NME9: variants seen among roughly 807,000 people sequenced by gnomAD.
NME9 encodes thioredoxin domain-containing protein 6.
Under a neutral mutation model 44.4 loss-of-function variants are expected in NME9, and 48 were observed. The ratio of observed to expected loss-of-function variants is 1.08; its 90% confidence interval spans 0.86 to 1.37. The LOEUF is 1.37. Among genes scored for constraint, NME9 ranks in the 40% most tolerant of loss-of-function variants. NME9 has a pLI of 0.00. For missense variants in NME9, 325 were observed against 405.2 expected (o/e 0.80, Z 1.70); for synonymous variants, 139 against 147.1 (o/e 0.94, Z 0.40).
At chr3:138,307,906 C>G (rs143325780) in intron 6 of NME9, among the ~76,000 whole-genome samples, 3 of 152,322 alleles carry the variant, frequency 2.0e-5, no homozygotes, top group East Asian at 1.9e-4. Flanking sequence ...TGGTAACTAC[C>G]TGTTGGTGCC....
At position 138,304,320 on chromosome 3, in the gene NME9, C is replaced by T. The variant is rs75818949; in HGVS notation, c.791+553G>A. On this transcript the variant is annotated intron_variant, in intron 9 of 10. Coordinates refer to ENST00000333911, the MANE Select transcript of NME9 (RefSeq NM_001349018.2). ...TTTCTTTCCTGTTGTCTGGGCCTGT[C>T]AGCTTCAAAGGCCAAGGTAAAGTGG... Among the ~76,000 whole-genome samples the T allele has an allele frequency of 4.0e-3, 612 of 152,344 alleles. 42 individuals are homozygous for T. The East Asian group carries it at 0.096, about 24-fold the overall frequency.
chr3:138,298,570 CCT>C (rs1354624583), downstream of NME9, among the ~76,000 whole-genome samples: 1 of 152,064 alleles, frequency 6.6e-6, no homozygotes, highest in African/African-American at 2.4e-5. Flanking sequence ...TCTGGGGACC[CCT>C]CTCTTTTTGG....
chr3:138,318,216 C>T lies in NME9; in HGVS notation c.199G>A (p.Glu67Lys). Residue 67 changes from glutamate to lysine, a missense_variant, in exon 4 of 11, where the codon GAG (glutamate) becomes AAG (lysine). Coordinates refer to ENST00000333911, the MANE Select transcript of NME9 (RefSeq NM_001349018.2). ...GLDLLHFALAEADRLDVLEKY... is the reference protein window; with the variant it reads ...GLDLLHFALAKADRLDVLEKY... ...TCGAGGACATCAAGACGATCTGCCT[C>T]TGCCTAAAGAAAGCCACTATCAGCA... is the stretch of plus-strand genomic sequence containing the variant. The T allele has an allele frequency of 4.3e-6, 7 of 1,610,966 alleles. No individual in the cohort carries two copies. The highest frequency in any genetic ancestry group is 5.9e-6 in the Non-Finnish European group (7 of 1,177,118).
At chr3:138,284,310 T>C (rs2050201766) in intron 8 of NME9, 3 of 705,966 alleles carry the variant, frequency 4.2e-6, no homozygotes, top group East Asian at 5.0e-5. Context: ...AATCAGGGCA[T>C]TGAGAGTGGA....
intron 8 of NME9, among the ~76,000 whole-genome samples, chr3:138,275,332 C>T (rs1165281425): frequency 3.9e-5 from 6 of 151,992 alleles, no homozygotes; most frequent in South Asian, 2.1e-4. Flanking sequence ...CCGAGGTGGG[C>T]GGATCACGAG....
chr3:138,297,453 C>A (rs1278776197), downstream of NME9: 2 of 152,200 alleles, frequency 1.3e-5, no homozygotes, highest in Non-Finnish European at 2.9e-5. Context: ...TGAGTGTGTG[C>A]CACTGATGGA....
chr3:138,313,220 G>C (rs970731769), intron 6 of NME9, among the ~76,000 whole-genome samples: 1 of 152,134 alleles, frequency 6.6e-6, no homozygotes, highest in Non-Finnish European at 1.5e-5. Flanking sequence ...GCGAAATCCA[G>C]TCTCTACTAA....
chr3:138,315,705 G>T, intron 4 of NME9, 62 bp from the exon 5 acceptor site: 1 of 1,304,786 alleles, frequency 7.7e-7, no homozygotes. Context: ...TGTAAGAGAT[G>T]GCAAGAGTGT....
At chr3:138,286,595 C>G (rs969144688) in intron 8 of NME9, among the ~76,000 whole-genome samples, 8 of 152,142 alleles carry the variant, frequency 5.3e-5, no homozygotes, top group African/African-American at 1.7e-4. Context: ...ACAATAGGAC[C>G]TCGTAGGGAG....
At position 138,314,315 on chromosome 3, in the gene NME9, A is replaced by G. The variant is rs1220189019; in HGVS notation, c.460+17T>C. 5 of 1,513,754 alleles carry G rather than the reference A, an allele frequency of 3.3e-6. No individual in the cohort carries two copies. Among genetic ancestry groups the G allele is most frequent in the Admixed American group, 3.9e-5 (2 of 50,870 alleles). The allele number at this position is 1,513,754 out of a possible 1,614,324, so 93.8% of individuals were successfully genotyped here. On this transcript the variant is annotated intron_variant, in intron 6 of 10. Coordinates refer to ENST00000333911, the MANE Select transcript of NME9 (RefSeq NM_001349018.2). Reference sequence around the variant, plus strand: ...TCTGCTTTGCTTTTTTCCCTTGCTCATTGGTTCTGCACTCACCCATGTCCT... The same window carrying G: ...TCTGCTTTGCTTTTTTCCCTTGCTCGTTGGTTCTGCACTCACCCATGTCCT...
At chr3:138,274,551 T>C in intron 8 of NME9, 1 of 1,593,748 alleles carries the variant, frequency 6.3e-7, no homozygotes, top group Non-Finnish European at 8.6e-7. Context: ...GCAGGTACGT[T>C]GTTCCTTTCT....
At chr3:138,322,259 T>C (rs1560130917) in intron 2 of NME9, among the ~76,000 whole-genome samples, 1 of 151,916 alleles carries the variant, frequency 6.6e-6, no homozygotes, top group Non-Finnish European at 1.5e-5. Flanking sequence ...GCTGTATTTG[T>C]ATTGATAGTG....
intron 5 of NME9, 59 bp downstream of exon 5, chr3:138,315,468 G>T: frequency 8.6e-7 from 1 of 1,166,948 alleles, no homozygotes; most frequent in Non-Finnish European, 1.2e-6. Context: ...GGGGACTGCT[G>T]ATCTCGCCCT....
At chr3:138,285,149 A>T (rs2050284465) in intron 8 of NME9, among the ~76,000 whole-genome samples, 1 of 152,212 alleles carries the variant, frequency 6.6e-6, no homozygotes. Flanking sequence ...ACATGGGCAC[A>T]GCTCCTCCTA....
intron 8 of NME9, among the ~76,000 whole-genome samples, chr3:138,269,616 AC>A (rs1383799071): frequency 6.6e-6 from 1 of 152,122 alleles, no homozygotes; most frequent in African/African-American, 2.4e-5. Context: ...CAACCATATT[AC>A]TTCATAGAGT....
chr3:138,326,820 A>G (rs2053816563), intron 1 of NME9, among the ~76,000 whole-genome samples: 1 of 151,914 alleles, frequency 6.6e-6, no homozygotes, highest in African/African-American at 2.4e-5. Context: ...GGCAAGAAAC[A>G]TGTAACAACT....
intron 8 of NME9, among the ~76,000 whole-genome samples, chr3:138,295,607 G>A (rs530312527): frequency 1.3e-3 from 202 of 152,332 alleles, no homozygotes; most frequent in Non-Finnish European, 1.8e-3. Flanking sequence ...ATGTCACTGA[G>A]CTGCAGCAGG....
At chr3:138,272,036 G>A (rs2048852647) in intron 8 of NME9, among the ~76,000 whole-genome samples, 1 of 152,112 alleles carries the variant, frequency 6.6e-6, no homozygotes, top group Non-Finnish European at 1.5e-5. Flanking sequence ...GTTTTCTTCA[G>A]ACATGTATAG....
At chr3:138,283,222 A>G (rs6797207) in intron 8 of NME9, among the ~76,000 whole-genome samples, 7,773 of 152,290 alleles carry the variant, frequency 0.051, 669 homozygotes, top group African/African-American at 0.18. Context: ...ATAAAACCAC[A>G]CACGCTTTAG....
Sources: gnomAD v4.1 joint callset for allele counts (sites outside exome capture counted in the v4.1 genomes callset) on GRCh38, gnomAD v4.1.1 for gene constraint, MANE v1.5 for transcripts, NCBI Gene and HGNC (gene_info 2026-07-23, HGNC 2026-07-21) for gene names.